Variants in DOCK10 observed in about 807,000 individuals in gnomAD.
DOCK10 encodes dedicator of cytokinesis protein 10.
A neutral mutation model predicts 280.1 loss-of-function variants in DOCK10; 145 were observed. The ratio of observed to expected loss-of-function variants is 0.52; its 90% CI spans 0.45 to 0.59. DOCK10 has a LOEUF of 0.59. Ranked by LOEUF, DOCK10 falls within the 20% of genes least tolerant of loss-of-function variation. The pLI, the probability that DOCK10 is intolerant of heterozygous loss-of-function variation, is 0.00. For synonymous variants in DOCK10, 915 were observed against 942.2 expected (o/e 0.97, Z 0.53); for missense variants, 2,368 against 2,651.7 (o/e 0.89, Z 2.35).
intron 1 of DOCK10, among the ~76,000 whole-genome samples, chr2:224,950,059 C>T (rs1338755254): frequency 6.6e-6 from 1 of 152,140 alleles, no homozygotes. Context: ...TCCACTGTAT[C>T]CTGAAATCAT....
chr2:224,918,993 T>C (rs1398329177), intron 2 of DOCK10, among the ~76,000 whole-genome samples: 2 of 144,004 alleles, frequency 1.4e-5, no homozygotes, highest in African/African-American at 5.2e-5. Flanking sequence ...TTGTGGTAAG[T>C]GTATGTGTAT....
chr2:224,802,031 G>A lies in DOCK10; in HGVS notation c.4278C>T (p.Ser1426=). Residue 1426 remains serine, a synonymous_variant, in exon 40 of 56, where the codon TCC becomes TCT. Transcript: ENST00000258390. Reference sequence around the variant, plus strand: ...GCTTATGGCCTTCATGACTGGAAGTGGAGTGCATCCTGAAAACAAAAAAAG... The same window carrying A: ...GCTTATGGCCTTCATGACTGGAAGTAGAGTGCATCCTGAAAACAAAAAAAG... ...TSGLLSQWMH[S]TSSHEGHKQH... The A allele has an allele frequency of 6.2e-7, 1 of 1,612,276 alleles. No individual in the cohort carries two copies. The highest frequency in any genetic ancestry group is 1.1e-5 in the South Asian group (1 of 90,838).
chr2:224,793,692 C>T (rs1427048025), intron 45 of DOCK10, among the ~76,000 whole-genome samples: 1 of 152,150 alleles, frequency 6.6e-6, no homozygotes, highest in African/African-American at 2.4e-5. Flanking sequence ...GGTGAAGGAG[C>T]TGGCCCAAAG....
At chr2:225,006,596 C>G (rs1214562442) in intron 1 of DOCK10, among the ~76,000 whole-genome samples, 1 of 152,216 alleles carries the variant, frequency 6.6e-6, no homozygotes, top group South Asian at 2.1e-4. Flanking sequence ...TCTCTGTCTT[C>G]TAAGCCGTTC....
chr2:224,819,812 A>T (rs1694386397), intron 28 of DOCK10, among the ~76,000 whole-genome samples: 1 of 152,160 alleles, frequency 6.6e-6, no homozygotes. Context: ...TGAAAGGAAA[A>T]ACAGAATGAA....
At chr2:224,957,288 C>CCA (rs1553622549) in intron 1 of DOCK10, among the ~76,000 whole-genome samples, 2 of 145,816 alleles carry the variant, frequency 1.4e-5, no homozygotes, top group Non-Finnish European at 3.0e-5. Flanking sequence ...ACTTTCCGCC[C>CCA]CCCCCCGGCT....
rs750844764 is a variant in DOCK10, at chr2:224,775,016, A to G, written c.5902T>C (p.Phe1968Leu). The G allele has an allele frequency of 8.7e-6, 14 of 1,613,724 alleles. No homozygotes were observed. The highest frequency in any genetic ancestry group is 1.3e-5 in the African/African-American group (1 of 74,880). ...EKEIEDRKTD[F>L]EMHHNINRFV... ...CGGTTGATGTTGTGGTGCATTTCGAAATCTGTCTTCCGGTCTTCGATTTCC... is the reference window on the plus strand; with the variant it reads ...CGGTTGATGTTGTGGTGCATTTCGAGATCTGTCTTCCGGTCTTCGATTTCC... The change falls in exon 52 of 56, where the codon TTC becomes CTC. Residue 1968 changes from phenylalanine to leucine, a missense_variant. Transcript: ENST00000258390.
chr2:224,904,338 C>T (rs949616499), intron 3 of DOCK10, among the ~76,000 whole-genome samples: 3 of 152,002 alleles, frequency 2.0e-5, no homozygotes, highest in Admixed American at 1.3e-4. Flanking sequence ...CCAAAACCCC[C>T]AAAACAAAAC....
In DOCK10 at chr2:224,896,354, C is replaced by T. The variant is rs562245247; in HGVS notation, c.357G>A (p.Gln119=). The change falls in exon 4 of 56, where the codon CAG becomes CAA. Residue 119 remains glutamine, a synonymous_variant. Transcript: ENST00000258390. The stretch of plus-strand genomic sequence containing the variant: ...CATATTTGTAGTTTACCACATGCCA[C>T]TGGGAACTATAAAATTTACAAGCCT... ...VKEACKFYSS[Q]WHVVNYKYEQ... 7 of 1,598,942 alleles carry T rather than the reference C, an allele frequency of 4.4e-6. No individual in the cohort carries two copies. The African/African-American group carries it at 9.4e-5, about 21-fold the overall frequency.
intron 22 of DOCK10, 35 bp downstream of exon 22, chr2:224,844,718 G>A: frequency 7.7e-7 from 1 of 1,301,776 alleles, no homozygotes; most frequent in Non-Finnish European, 1.1e-6. Flanking sequence ...CTGTGAGTTA[G>A]AGAAGATGCT....
At chr2:224,877,970 T>C (rs554791542) in intron 7 of DOCK10, among the ~76,000 whole-genome samples, 2 of 152,296 alleles carry the variant, frequency 1.3e-5, no homozygotes, top group African/African-American at 2.4e-5. Flanking sequence ...ATAATTGTAA[T>C]AGAGCAAACC....
At chr2:224,766,047 C>T (rs1182352935) in intron 55 of DOCK10, among the ~76,000 whole-genome samples, 1 of 152,134 alleles carries the variant, frequency 6.6e-6, no homozygotes, top group Non-Finnish European at 1.5e-5. Context: ...AATATTTTCA[C>T]AATCCTCTTC....
intron 33 of DOCK10, 67 bp downstream of exon 33, chr2:224,807,601 C>CA: frequency 8.9e-7 from 1 of 1,118,982 alleles, no homozygotes; most frequent in Non-Finnish European, 1.3e-6. Context: ...TTATCCAGGG[C>CA]AAAAAATAAT....
intron 6 of DOCK10, 49 bp from the exon 7 acceptor site, chr2:224,885,854 T>C: frequency 6.3e-7 from 1 of 1,582,198 alleles, no homozygotes; most frequent in Non-Finnish European, 8.6e-7. Flanking sequence ...TAATGTGCTA[T>C]TACTCATAGA....
intron 1 of DOCK10, among the ~76,000 whole-genome samples, chr2:224,945,778 C>T: frequency 6.6e-6 from 1 of 152,034 alleles, no homozygotes; most frequent in Admixed American, 6.6e-5. Context: ...CTGTGGTTTT[C>T]ATATGGGTGA....
chr2:224,869,699 A>G (rs1219720355), intron 11 of DOCK10, among the ~76,000 whole-genome samples: 2 of 152,202 alleles, frequency 1.3e-5, no homozygotes, highest in Non-Finnish European at 2.9e-5. Context: ...CTTTGGCCTG[A>G]CAGATACCAA....
chr2:224,854,846 A>G, intron 16 of DOCK10, 117 bp downstream of exon 16: 1 of 665,328 alleles, frequency 1.5e-6, no homozygotes, highest in Admixed American at 3.0e-5. Flanking sequence ...CTTGTAACCA[A>G]CCAACTAGCC....
intron 51 of DOCK10, among the ~76,000 whole-genome samples, chr2:224,775,629 C>G (rs956241972): frequency 6.6e-6 from 1 of 152,098 alleles, no homozygotes; most frequent in African/African-American, 2.4e-5. Context: ...GCATGTGCCA[C>G]CACACCTAGC....
rs984707195 is a variant in DOCK10, at chr2:224,841,700, G to A, written c.2661+104C>T. 7 of 666,006 alleles carry A rather than the reference G, an allele frequency of 1.1e-5. No individual in the cohort carries two copies. The African/African-American group carries it at 1.2e-4, about 12-fold the overall frequency. 41.3% of individuals were successfully genotyped at this position (666,006 alleles called of 1,614,324 possible). ...AATTGATAAGGTATTAAAAAATCTT[G>A]AGTAATAATCATCTCCCAGTTTGCC... is the stretch of plus-strand genomic sequence containing the variant. On this transcript the variant is annotated intron_variant, in intron 23 of 55. Transcript: ENST00000258390.
Sources: allele counts gnomAD v4.1 joint callset (sites outside exome capture counted in the v4.1 genomes callset), GRCh38; gene constraint gnomAD v4.1.1; transcripts MANE v1.5; gene names NCBI Gene and HGNC (gene_info 2026-07-23, HGNC 2026-07-21).